The following CLPX variants were observed in gnomAD, a reference collection of about 807,000 sequenced individuals.
The protein encoded by CLPX is ATP-dependent clpX-like chaperone, mitochondrial.
A neutral mutation model predicts 76.4 loss-of-function variants in CLPX; 34 were observed. The ratio of observed to expected loss-of-function variants is 0.45; its 90% CI spans 0.34 to 0.59. The LOEUF is 0.59. Ranked by LOEUF, CLPX falls within the 20% of genes least tolerant of loss-of-function variation. The pLI, the probability that CLPX is intolerant of heterozygous loss-of-function variation, is 0.01. For synonymous variants in CLPX, 248 were observed against 270.9 expected (o/e 0.92, Z 0.83); for missense variants, 613 against 757.0 (o/e 0.81, Z 2.23).
At chr15:65,178,603 C>G (rs1311003727) in intron 3 of CLPX, among the ~76,000 whole-genome samples, 2 of 151,728 alleles carry the variant, frequency 1.3e-5, no homozygotes, top group African/African-American at 4.8e-5. Flanking sequence ...GTCTCTGTCA[C>G]CCAGGATGGG....
intron 3 of CLPX, among the ~76,000 whole-genome samples, chr15:65,171,310 G>A (rs2088002857): frequency 6.6e-6 from 1 of 152,058 alleles, no homozygotes; most frequent in Non-Finnish European, 1.5e-5. Flanking sequence ...ATCCGGGCGT[G>A]TTGTCTTGTG....
chr15:65,184,997 C>T, intron 1 of CLPX, 78 bp downstream of exon 1: 1 of 1,307,260 alleles, frequency 7.6e-7, no homozygotes, highest in South Asian at 1.3e-5. Flanking sequence ...CTCGTGCCCT[C>T]CCCGGGGCCC....
chr15:65,151,456 G>GAAA (rs529752332), intron 13 of CLPX, among the ~76,000 whole-genome samples: 220 of 73,758 alleles, frequency 3.0e-3, no homozygotes, highest in East Asian at 0.01. Flanking sequence ...ATTACTGGGA[G>GAAA]AAAAAAAAAA....
At chr15:65,179,957 A>G in intron 2 of CLPX, 87 bp downstream of exon 2, 1 of 875,444 alleles carries the variant, frequency 1.1e-6, no homozygotes, top group Non-Finnish European at 1.6e-6. Context: ...CAGAAAACAT[A>G]TAAGCCAGTA....
At chr15:65,177,042 T>A (rs920161800) in intron 3 of CLPX, among the ~76,000 whole-genome samples, 1 of 152,072 alleles carries the variant, frequency 6.6e-6, no homozygotes, top group African/African-American at 2.4e-5. Flanking sequence ...CACATCAAAT[T>A]TGTTTAGAAG....
rs1193069718 is a variant in CLPX at position 65,149,454 on chromosome 15, G to T, written c.*1369C>A. On this transcript the variant is annotated 3_prime_UTR_variant, in exon 14 of 14. Coordinates refer to ENST00000300107, the MANE Select transcript of CLPX (RefSeq NM_006660.5). ...TGTGGCACTGTACTCCAGCCTGGGTGACACAGCGAGACTCTGTCTCAAAAA... is the reference window on the plus strand; with the variant it reads ...TGTGGCACTGTACTCCAGCCTGGGTTACACAGCGAGACTCTGTCTCAAAAA... 6.4e-6 allele frequency: 2 copies of T among 314,686 alleles called. No homozygotes were observed. The allele number at this position is 314,686 out of a possible 1,614,324, so 19.5% of individuals were successfully genotyped here. A position where few individuals can be genotyped will look rare whatever the true frequency, so the allele number is the denominator to read the frequency against.
chr15:65,153,506 G>T, intron 12 of CLPX, 41 bp downstream of exon 12: 1 of 1,238,760 alleles, frequency 8.1e-7, no homozygotes, highest in Non-Finnish European at 1.2e-6. Flanking sequence ...TCAAAACTCA[G>T]ACCAAGAAAT....
intron 3 of CLPX, among the ~76,000 whole-genome samples, chr15:65,170,916 G>C (rs2087995749): frequency 7.1e-6 from 1 of 140,394 alleles, no homozygotes; most frequent in African/African-American, 2.6e-5. Flanking sequence ...TCCGCCTCCT[G>C]GGTCCAAGCA....
At chr15:65,168,252 T>C (rs2087945268) in intron 3 of CLPX, among the ~76,000 whole-genome samples, 1 of 147,446 alleles carries the variant, frequency 6.8e-6, no homozygotes, top group Non-Finnish European at 1.5e-5. Context: ...GGTGTGGTGG[T>C]GGGCGCCTGT....
chr15:65,156,771 A>G (rs774958997), intron 9 of CLPX, 73 bp downstream of exon 9: 87 of 917,526 alleles, frequency 9.5e-5, no homozygotes, highest in Non-Finnish European at 1.4e-4. Context: ...TGTGAAACCA[A>G]ACGTACAATA....
intron 1 of CLPX, 138 bp downstream of exon 1, chr15:65,184,937 T>G (rs966631124): frequency 2.8e-6 from 2 of 724,750 alleles, no homozygotes. Context: ...AAGTGGTGGG[T>G]GCCGGGCGAA....
At chr15:65,175,911 A>G (rs1158100369) in intron 3 of CLPX, among the ~76,000 whole-genome samples, 1 of 152,224 alleles carries the variant, frequency 6.6e-6, no homozygotes, top group African/African-American at 2.4e-5. Context: ...CTGCACTGCT[A>G]GGGCCTACAA....
intron 3 of CLPX, among the ~76,000 whole-genome samples, chr15:65,177,673 T>C (rs751831212): frequency 5.9e-5 from 9 of 152,250 alleles, no homozygotes; most frequent in Non-Finnish European, 1.0e-4. Context: ...TCATTACCAT[T>C]AACTCTAAAT....
At chr15:65,175,002 T>C (rs907972811) in intron 3 of CLPX, among the ~76,000 whole-genome samples, 3 of 152,246 alleles carry the variant, frequency 2.0e-5, no homozygotes, top group Non-Finnish European at 4.4e-5. Flanking sequence ...TAGAACTTTA[T>C]AGCTTCATCT....
intron 12 of CLPX, among the ~76,000 whole-genome samples, chr15:65,152,950 G>A (rs1441741702): frequency 2.0e-5 from 3 of 151,246 alleles, no homozygotes; most frequent in Non-Finnish European, 4.4e-5. Context: ...GAGGGTGTAT[G>A]TTGCCCAGGC....
Position 65,155,867 on chromosome 15 carries a change from A to G in CLPX, c.1147-11T>C. On this transcript the variant is annotated splice_polypyrimidine_tract_variant and intron_variant, in intron 9 of 13. Coordinates refer to ENST00000300107, the MANE Select transcript of CLPX (RefSeq NM_006660.5). ...TAGTTTTAATAAGCCCTAAATAAAG[A>G]ACAAATGATTTATAGCATCACCATA... 6.2e-7 allele frequency: 1 copy of G among 1,602,536 alleles called. No individual in the cohort carries two copies.
chr15:65,166,536 A>G (rs970104348), intron 4 of CLPX, 95 bp downstream of exon 4: 3 of 1,256,748 alleles, frequency 2.4e-6, no homozygotes, highest in African/African-American at 3.0e-5. Context: ...ACTTGTTTAT[A>G]TACTAGTATT....
chr15:65,158,808 T>C (rs2087820658), intron 6 of CLPX, 57 bp from the exon 7 acceptor site: 2 of 1,429,330 alleles, frequency 1.4e-6, no homozygotes, highest in African/African-American at 1.4e-5. Context: ...TTGAAGAAAA[T>C]GTCCCATAAA....
intron 1 of CLPX, among the ~76,000 whole-genome samples, chr15:65,181,129 G>A (rs2140652339): frequency 6.6e-6 from 1 of 151,926 alleles, no homozygotes; most frequent in Non-Finnish European, 1.5e-5. Context: ...AACCCAGGAG[G>A]CAGAGGTTGC....
Sources: allele counts gnomAD v4.1 joint callset (sites outside exome capture counted in the v4.1 genomes callset), GRCh38; gene constraint gnomAD v4.1.1; transcripts MANE v1.5; gene names NCBI Gene and HGNC (gene_info 2026-07-23, HGNC 2026-07-21).